The following TBC1D22B variants were observed in gnomAD, a reference collection of about 807,000 sequenced individuals.
TBC1D22B encodes the protein chromosome 6 open reading frame 197.
TBC1D22B carries 32 observed loss-of-function variants against 69.1 expected under a neutral mutation model. The observed-to-expected ratio is 0.46, with a 90% CI of 0.35 to 0.62. The LOEUF is 0.62. TBC1D22B is among the 20% of genes least tolerant of loss of function. The probability of loss-of-function intolerance (pLI) is 0.00; values close to 1 mark genes in which losing one functional copy is unlikely to be tolerated. For synonymous variants in TBC1D22B, 206 were observed against 229.8 expected (o/e 0.90, Z 0.94); for missense variants, 462 against 630.9 (o/e 0.73, Z 2.87).
chr6:37,318,878 G>A (rs1043647516), intron 12 of TBC1D22B, among the ~76,000 whole-genome samples: 5 of 152,300 alleles, frequency 3.3e-5, no homozygotes, highest in East Asian at 1.9e-4. Context: ...TGCTTTGCAC[G>A]TTTCTGAACT....
intron 12 of TBC1D22B, among the ~76,000 whole-genome samples, chr6:37,326,217 TA>T (rs1370095210): frequency 6.6e-6 from 1 of 151,000 alleles, no homozygotes; most frequent in Non-Finnish European, 1.5e-5. Flanking sequence ...CAGTCTCCAC[TA>T]AAAATGCAAA....
intron 6 of TBC1D22B, among the ~76,000 whole-genome samples, chr6:37,286,423 C>T (rs530619694): frequency 6.6e-6 from 1 of 151,746 alleles, no homozygotes; most frequent in South Asian, 2.1e-4. Flanking sequence ...TCACACCATT[C>T]TCCTGCCTCG....
intron 1 of TBC1D22B, among the ~76,000 whole-genome samples, chr6:37,262,024 A>AAG (rs1766118950): frequency 7.7e-6 from 1 of 129,390 alleles, no homozygotes; most frequent in Non-Finnish European, 1.6e-5. Context: ...GAGAAAAAAA[A>AAG]AATCACCTTT....
At chr6:37,309,510 G>A (rs918988372) in intron 8 of TBC1D22B, among the ~76,000 whole-genome samples, 11 of 152,172 alleles carry the variant, frequency 7.2e-5, no homozygotes, top group African/African-American at 2.7e-4. Context: ...GGAGGAGTTG[G>A]GGTGGTTTTA....
chr6:37,260,430 GAA>G (rs1766049308), intron 1 of TBC1D22B, among the ~76,000 whole-genome samples: 1 of 152,110 alleles, frequency 6.6e-6, no homozygotes, highest in Non-Finnish European at 1.5e-5. Flanking sequence ...TTAAATAAAA[GAA>G]GTTGCAAATG....
At chr6:37,328,131 TG>T (rs1292965238) in intron 12 of TBC1D22B, among the ~76,000 whole-genome samples, 2 of 151,978 alleles carry the variant, frequency 1.3e-5, no homozygotes, top group Non-Finnish European at 2.9e-5. Context: ...CTGGCCAACA[TG>T]GTGAAACCCC....
intron 1 of TBC1D22B, among the ~76,000 whole-genome samples, chr6:37,267,402 TATATAATATATATATACAC>T (rs1766325523): frequency 1.5e-5 from 2 of 135,058 alleles, no homozygotes; most frequent in Non-Finnish European, 3.0e-5. Flanking sequence ...TATACACACA[TATATAATATATATATACAC>T]ATATAATATA....
chr6:37,283,488 G>C (rs1766905729), intron 5 of TBC1D22B, among the ~76,000 whole-genome samples: 1 of 152,204 alleles, frequency 6.6e-6, no homozygotes, highest in Admixed American at 6.5e-5. Flanking sequence ...GCCAGGCATA[G>C]TGCCAGATGC....
chr6:37,329,251 T>C (rs1177110682), intron 12 of TBC1D22B, among the ~76,000 whole-genome samples: 2 of 152,230 alleles, frequency 1.3e-5, no homozygotes, highest in Non-Finnish European at 2.9e-5. Context: ...ACTGTAAATA[T>C]TGTTCTGCAA....
intron 9 of TBC1D22B, among the ~76,000 whole-genome samples, chr6:37,313,427 C>G (rs1767983197): frequency 6.6e-6 from 1 of 151,644 alleles, no homozygotes; most frequent in Non-Finnish European, 1.5e-5. Flanking sequence ...GAGGTCAAAG[C>G]TGTAGTGAGC....
chr6:37,267,919 A>G (rs1358952326), intron 1 of TBC1D22B, among the ~76,000 whole-genome samples: 1 of 152,182 alleles, frequency 6.6e-6, no homozygotes, highest in East Asian at 1.9e-4. Context: ...GAAGAAGTCA[A>G]TGCACTTCAT....
chr6:37,273,163 G>A (rs552238498), intron 2 of TBC1D22B, among the ~76,000 whole-genome samples: 1 of 124,270 alleles, frequency 8.0e-6, no homozygotes, highest in Non-Finnish European at 1.6e-5. Context: ...AGCTATAGCA[G>A]CCGACTCGTA....
At chr6:37,282,725 T>C (rs997002047) in intron 4 of TBC1D22B, among the ~76,000 whole-genome samples, 157 bp from the exon 5 acceptor site, 1 of 152,238 alleles carries the variant, frequency 6.6e-6, no homozygotes, top group Non-Finnish European at 1.5e-5. Flanking sequence ...GGCACTTAGC[T>C]GCTCGGGGCT....
intron 1 of TBC1D22B, among the ~76,000 whole-genome samples, chr6:37,258,611 C>T (rs1013155507): frequency 1.3e-5 from 2 of 152,220 alleles, no homozygotes; most frequent in Non-Finnish European, 2.9e-5. Context: ...TCTTCCTCCC[C>T]TGCATTGTAA....
chr6:37,324,330 C>G (rs906604700), intron 12 of TBC1D22B: 5 of 456,556 alleles, frequency 1.1e-5, no homozygotes, highest in African/African-American at 1.0e-4. Context: ...CTGGGAAAGA[C>G]CAAGAAGAGG....
chr6:37,316,558 GGACAGTCAGATGGCTGTCTGCCTC>G (rs1768084683), intron 10 of TBC1D22B, 121 bp from the exon 11 acceptor site: 2 of 822,504 alleles, frequency 2.4e-6, no homozygotes, highest in Non-Finnish European at 4.0e-6. Context: ...CAAACATAAA[GGACAGTCAGATGGCTGTCTGCCTC>G]CTCTGTGTCT....
chr6:37,284,301 G>A, intron 5 of TBC1D22B, 35 bp from the exon 6 acceptor site: 1 of 1,613,906 alleles, frequency 6.2e-7, no homozygotes, highest in Non-Finnish European at 8.5e-7. Flanking sequence ...TCCAACCATT[G>A]TCTTTCCCCA....
intron 12 of TBC1D22B, among the ~76,000 whole-genome samples, chr6:37,330,085 C>A (rs997104024): frequency 1.3e-5 from 2 of 152,166 alleles, no homozygotes; most frequent in African/African-American, 4.8e-5. Context: ...GGCATTAGTG[C>A]GTTAGCTATT....
chr6:37,303,146 A>C (rs1767616477), intron 8 of TBC1D22B, among the ~76,000 whole-genome samples: 1 of 152,226 alleles, frequency 6.6e-6, no homozygotes, highest in South Asian at 2.1e-4. Context: ...ACCTAGCAGC[A>C]AGTGAGGCTG....
Sources: allele counts gnomAD v4.1 joint callset (sites outside exome capture counted in the v4.1 genomes callset), GRCh38; gene constraint gnomAD v4.1.1; transcripts MANE v1.5; gene names NCBI Gene and HGNC (gene_info 2026-07-23, HGNC 2026-07-21).